Variants in CNTN3 observed in about 807,000 individuals in gnomAD.
CNTN3 encodes the protein contactin 3.
A neutral mutation model predicts 119.1 loss-of-function variants in CNTN3; 60 were observed. That is an observed-to-expected ratio of 0.50 (90% CI 0.41 to 0.62). The LOEUF is 0.62. Among genes scored for constraint, CNTN3 ranks in the 20% least tolerant of loss-of-function variants. The pLI is 0.00. For missense variants in CNTN3, 1,101 were observed against 1,242.4 expected, an observed-to-expected ratio of 0.89 and a Z score of 1.71; for synonymous variants, 450 against 438.7, an observed-to-expected ratio of 1.03 and a Z score of -0.32.
chr3:74,285,787 G>GGA (rs1575697836), intron 19 of CNTN3, among the ~76,000 whole-genome samples: 2 of 67,792 alleles, frequency 3.0e-5, no homozygotes, highest in Admixed American at 2.2e-4. Flanking sequence ...AGAATGAAGG[G>GGA]GAGATATATA....
intron 3 of CNTN3, among the ~76,000 whole-genome samples, chr3:74,487,740 A>G (rs1390227189): frequency 6.6e-6 from 1 of 152,108 alleles, no homozygotes. Flanking sequence ...ACATATAAAG[A>G]GATGAAATGT....
chr3:74,291,424 G>A (rs1344866474), intron 19 of CNTN3, among the ~76,000 whole-genome samples: 1 of 152,170 alleles, frequency 6.6e-6, no homozygotes, highest in African/African-American at 2.4e-5. Flanking sequence ...CCAGTAATGG[G>A]ATTGCTGGGT....
At chr3:74,283,185 T>C (rs751777213) in intron 20 of CNTN3, among the ~76,000 whole-genome samples, 1 of 152,150 alleles carries the variant, frequency 6.6e-6, no homozygotes, top group Non-Finnish European at 1.5e-5. Flanking sequence ...TGGTTAAGAC[T>C]ATGGATTTGG....
chr3:74,267,456 A>T lies in CNTN3; in HGVS notation c.2705-78T>A, dbSNP rs530757462. On this transcript the variant is annotated intron_variant, in intron 20 of 22. Transcript: ENST00000263665. ...TTACACGGAGGAGATGGCGGCTATCATAGGAAGCTAGTGGAAGTAGAACGG... is the reference window on the plus strand; with the variant it reads ...TTACACGGAGGAGATGGCGGCTATCTTAGGAAGCTAGTGGAAGTAGAACGG... 3 of 990,586 alleles carry T rather than the reference A, an allele frequency of 3.0e-6. No individual in the cohort carries two copies. The East Asian group carries it at 7.2e-5, about 24-fold the overall frequency. The allele number at this position is 990,586 out of a possible 1,614,324, so 61.4% of individuals were successfully genotyped here. A position where few individuals can be genotyped will look rare whatever the true frequency, so the allele number is the denominator to read the frequency against.
At chr3:74,500,636 C>T (rs2107080577) in intron 2 of CNTN3, among the ~76,000 whole-genome samples, 1 of 151,394 alleles carries the variant, frequency 6.6e-6, no homozygotes, top group South Asian at 2.1e-4. Context: ...AAAAGTCAGA[C>T]AAAGAAAACG....
chr3:74,324,863 A>G (rs1703090222), intron 13 of CNTN3, among the ~76,000 whole-genome samples: 1 of 152,200 alleles, frequency 6.6e-6, no homozygotes, highest in Admixed American at 6.5e-5. Flanking sequence ...GTCCTCTGTG[A>G]AAGGTGGAGC....
intron 11 of CNTN3, among the ~76,000 whole-genome samples, 164 bp from the exon 12 acceptor site, chr3:74,336,822 C>A (rs1000381238): frequency 6.6e-6 from 1 of 151,548 alleles, no homozygotes; most frequent in African/African-American, 2.4e-5. Flanking sequence ...AGAAAATTCA[C>A]CCCTCACTCA....
At chr3:74,573,038 C>T in intron 1 of CNTN3, among the ~76,000 whole-genome samples, 1 of 152,310 alleles carries the variant, frequency 6.6e-6, no homozygotes, top group East Asian at 1.9e-4. Flanking sequence ...GCATTTGAGG[C>T]AAGCCTCGGA....
chr3:74,415,362 C>T (rs1195804172), intron 5 of CNTN3, among the ~76,000 whole-genome samples: 2 of 152,102 alleles, frequency 1.3e-5, no homozygotes, highest in Non-Finnish European at 2.9e-5. Context: ...TCCAGTTTCT[C>T]GAAGTTGTTT....
intron 5 of CNTN3, among the ~76,000 whole-genome samples, chr3:74,388,670 C>G (rs1392567136): frequency 6.6e-6 from 1 of 152,090 alleles, no homozygotes; most frequent in Non-Finnish European, 1.5e-5. Context: ...ACAATATACC[C>G]TACCCTTTTT....
At chr3:74,384,281 T>C (rs1440376257) in intron 5 of CNTN3, among the ~76,000 whole-genome samples, 1 of 152,242 alleles carries the variant, frequency 6.6e-6, no homozygotes, top group Non-Finnish European at 1.5e-5. Context: ...CTGCTCCCTC[T>C]TCCACGCATT....
chr3:74,453,857 T>C (rs1702209013), intron 4 of CNTN3, among the ~76,000 whole-genome samples: 1 of 152,210 alleles, frequency 6.6e-6, no homozygotes, highest in Non-Finnish European at 1.5e-5. Flanking sequence ...GAGTTCTAGT[T>C]TGATTGCACT....
At chr3:74,336,688 T>C in intron 11 of CNTN3, 30 bp from the exon 12 acceptor site, 1 of 1,532,090 alleles carries the variant, frequency 6.5e-7, no homozygotes, top group South Asian at 1.2e-5. Flanking sequence ...GATAAATAAA[T>C]ATATAATAGC....
At chr3:74,380,087 A>C (rs1240061277) in intron 5 of CNTN3, among the ~76,000 whole-genome samples, 1 of 152,228 alleles carries the variant, frequency 6.6e-6, no homozygotes, top group Non-Finnish European at 1.5e-5. Flanking sequence ...CTGGCACTTC[A>C]GATAGAACGA....
intron 1 of CNTN3, among the ~76,000 whole-genome samples, chr3:74,561,933 C>T (rs938664871): frequency 1.3e-5 from 2 of 152,088 alleles, no homozygotes; most frequent in Admixed American, 6.6e-5. Context: ...TTCTTACTGA[C>T]ACATATTTCA....
chr3:74,481,137 G>C (rs1179781436), intron 4 of CNTN3, among the ~76,000 whole-genome samples: 1 of 151,706 alleles, frequency 6.6e-6, no homozygotes, highest in Middle Eastern at 3.4e-3. Flanking sequence ...AATACATACA[G>C]TTTAAATAGA....
intron 1 of CNTN3, among the ~76,000 whole-genome samples, chr3:74,611,326 A>G (rs187813211): frequency 2.6e-5 from 4 of 152,272 alleles, no homozygotes; most frequent in Admixed American, 6.5e-5. Flanking sequence ...CAGCACTTCT[A>G]TTACAAACCC....
At chr3:74,539,081 C>T (rs567491456) in intron 1 of CNTN3, among the ~76,000 whole-genome samples, 39 of 152,108 alleles carry the variant, frequency 2.6e-4, no homozygotes, top group Non-Finnish European at 4.7e-4. Flanking sequence ...CCATTAATTT[C>T]GATATATGCT....
At chr3:74,549,505 T>C (rs971624631) in intron 1 of CNTN3, among the ~76,000 whole-genome samples, 2 of 152,068 alleles carry the variant, frequency 1.3e-5, no homozygotes, top group African/African-American at 2.4e-5. Context: ...TTCCAAAAGA[T>C]GGATGGAAAA....
Sources: gnomAD v4.1 joint callset for allele counts (sites outside exome capture counted in the v4.1 genomes callset) on GRCh38, gnomAD v4.1.1 for gene constraint, MANE v1.5 for transcripts, NCBI Gene and HGNC (gene_info 2026-07-23, HGNC 2026-07-21) for gene names.